Variants in SPAG9 observed in about 807,000 individuals in gnomAD.
SPAG9 encodes C-Jun-amino-terminal kinase-interacting protein 4.
Under a neutral mutation model 166.5 loss-of-function variants are expected in SPAG9, and 35 were observed. The ratio of observed to expected loss-of-function variants is 0.21; its 90% CI spans 0.16 to 0.28. The LOEUF is 0.28. Ranked by LOEUF, SPAG9 falls within the 10% of genes least tolerant of loss-of-function variation. The pLI is 1.00. For synonymous variants in SPAG9, 534 were observed against 565.5 expected, an observed-to-expected ratio of 0.94 and a Z score of 0.79; for missense variants, 1,235 against 1,603.3, an observed-to-expected ratio of 0.77 and a Z score of 3.92.
chr17:50,975,673 T>C (rs1326211273), intron 27 of SPAG9, among the ~76,000 whole-genome samples: 2 of 150,982 alleles, frequency 1.3e-5, no homozygotes, highest in Non-Finnish European at 2.9e-5. Context: ...ATAAATAGAC[T>C]AAGCTGCTGA....
chr17:51,084,145 G>C (rs144903873), intron 1 of SPAG9: 3 of 152,052 alleles, frequency 2.0e-5, no homozygotes, highest in South Asian at 2.1e-4. Context: ...ACATGACTAT[G>C]AGTATCCAAC....
intron 1 of SPAG9, among the ~76,000 whole-genome samples, chr17:51,119,033 CAAAAAA>C (rs3079111): frequency 1.0e-5 from 1 of 96,262 alleles, no homozygotes; most frequent in Non-Finnish European, 2.0e-5. Flanking sequence ...GACTACGTCT[CAAAAAA>C]AAAAAAAAAA....
rs1567979845 is a variant in SPAG9, at chr17:50,998,596, G to A, written c.1686C>T (p.Ser562=). 2.5e-6 allele frequency: 4 copies of A among 1,613,898 alleles called. No individual in the cohort carries two copies. The highest frequency in any genetic ancestry group is 1.1e-5 in the South Asian group (1 of 91,086). The change falls in exon 15 of 30, where the codon TCC becomes TCT. Residue 562 remains serine, a synonymous_variant. Coordinates refer to ENST00000262013, the MANE Select transcript of SPAG9 (RefSeq NM_001130528.3). ...CAGGCTTCTTAGTCGTGTTACTTGAGGAGCTGAAAAGTCGGCTGAAACTAA... is the reference window on the plus strand; with the variant it reads ...CAGGCTTCTTAGTCGTGTTACTTGAAGAGCTGAAAAGTCGGCTGAAACTAA... ...IWQFFSRLFS[S]SSNTTKKPEP... is the part of the protein sequence containing the mutation.
chr17:51,107,645 G>A (rs1241875766), intron 1 of SPAG9, among the ~76,000 whole-genome samples: 1 of 151,266 alleles, frequency 6.6e-6, no homozygotes, highest in African/African-American at 2.4e-5. Context: ...GCTGAGGCAG[G>A]AGAATTGCTT....
At chr17:51,119,242 T>C (rs2049398452) in intron 1 of SPAG9, among the ~76,000 whole-genome samples, 1 of 152,184 alleles carries the variant, frequency 6.6e-6, no homozygotes, top group Non-Finnish European at 1.5e-5. Flanking sequence ...GGAAATGAGC[T>C]ACAAACCTCA....
chr17:50,984,877 C>T, intron 24 of SPAG9, 46 bp downstream of exon 24: 1 of 1,498,734 alleles, frequency 6.7e-7, no homozygotes, highest in South Asian at 1.1e-5. Context: ...AAATGCTTTG[C>T]AAAGCAACAA....
rs553651802 is a variant in SPAG9, at chr17:51,120,319, G to T, written c.303+35C>A. On this transcript the variant is annotated intron_variant, in intron 1 of 29. Coordinates refer to ENST00000262013, the MANE Select transcript of SPAG9 (RefSeq NM_001130528.3). The surrounding 1 kb of genome is among the most constrained non-coding windows in gnomAD (Gnocchi z 4.7). ...CCCCGCCCCGGCCGCCCCCGGAGAC[G>T]GATCCCGCGGCCCCCGCCCTGCCGC... 42 of 1,479,746 alleles carry T rather than the reference G, an allele frequency of 2.8e-5. No individual in the cohort carries two copies. In the East Asian group the frequency reaches 1.0e-3, roughly 35 times the overall value. The allele number at this position is 1,479,746 out of a possible 1,614,324, so 91.7% of individuals were successfully genotyped here.
Position 51,089,620 on chromosome 17 carries a change from TTATATATATATATATATATA to T in SPAG9, c.304-9936_304-9917del, listed in dbSNP as rs746370783. Reference sequence around the variant, plus strand: ...TATATGTATATATATACACTTTATTTTATATATATATATATATATATATATATATATATATATATATATAC... The same window carrying T: ...TATATGTATATATATACACTTTATTTTATATATATATATATATATATATAC... On this transcript the variant is annotated intron_variant, in intron 1 of 29. Transcript: ENST00000262013. Among the ~76,000 whole-genome samples the T allele has an allele frequency of 5.3e-3, 213 of 40,488 alleles. 10 individuals are homozygous for T. The East Asian group carries it at 0.054, about 10-fold the overall frequency. 26.6% of individuals were successfully genotyped at this position (40,488 alleles called of 152,430 possible).
At chr17:51,028,846 T>G (rs2046286104) in intron 6 of SPAG9, among the ~76,000 whole-genome samples, 1 of 152,196 alleles carries the variant, frequency 6.6e-6, no homozygotes, top group Non-Finnish European at 1.5e-5. Flanking sequence ...AAATTCCTAT[T>G]TTATATTAGA....
At chr17:51,099,182 C>A (rs1003922641) in intron 1 of SPAG9, among the ~76,000 whole-genome samples, 1 of 151,444 alleles carries the variant, frequency 6.6e-6, no homozygotes, top group Non-Finnish European at 1.5e-5. Flanking sequence ...GCCTGTAATC[C>A]CAACACTTTG....
chr17:51,099,095 G>A (rs1444704915), intron 1 of SPAG9, among the ~76,000 whole-genome samples: 3 of 118,406 alleles, frequency 2.5e-5, no homozygotes, highest in Non-Finnish European at 4.9e-5. Flanking sequence ...GCGAGACTCC[G>A]TCTCAAAAAA....
At chr17:51,046,455 AAT>A in intron 4 of SPAG9, 2 of 1,408,532 alleles carry the variant, frequency 1.4e-6, no homozygotes, top group Non-Finnish European at 1.9e-6. Flanking sequence ...CTAAAAATTT[AAT>A]AAAAACCAGC....
At chr17:50,984,317 G>A (rs1974866086) in intron 24 of SPAG9, among the ~76,000 whole-genome samples, 1 of 151,832 alleles carries the variant, frequency 6.6e-6, no homozygotes, top group Admixed American at 6.6e-5. Flanking sequence ...TAACACATAG[G>A]ACATTAAAAA....
At chr17:51,082,193 A>G (rs564382210) in intron 1 of SPAG9, among the ~76,000 whole-genome samples, 15 of 151,736 alleles carry the variant, frequency 9.9e-5, no homozygotes, top group Admixed American at 9.8e-4. Context: ...CCTGGCCAAC[A>G]TGGTGAAACC....
intron 9 of SPAG9, among the ~76,000 whole-genome samples, chr17:51,010,840 T>C (rs2045452271): frequency 6.6e-6 from 1 of 151,948 alleles, no homozygotes; most frequent in Non-Finnish European, 1.5e-5. Flanking sequence ...AATTAGGAAA[T>C]AATAGTCTTG....
intron 2 of SPAG9, among the ~76,000 whole-genome samples, chr17:51,061,126 G>A (rs957303742): frequency 1.2e-4 from 12 of 101,652 alleles, no homozygotes; most frequent in South Asian, 3.3e-4. Context: ...GATTACAGGC[G>A]TAAGCCACCG....
chr17:50,998,721 G>A, intron 14 of SPAG9, 104 bp from the exon 15 acceptor site: 1 of 1,127,034 alleles, frequency 8.9e-7, no homozygotes, highest in African/African-American at 1.5e-5. Flanking sequence ...ACTTTTACAA[G>A]GCAATGAGTT....
At chr17:50,979,297 AG>A (rs561440228) in intron 26 of SPAG9, among the ~76,000 whole-genome samples, 2 of 150,974 alleles carry the variant, frequency 1.3e-5, no homozygotes, top group Admixed American at 6.6e-5. Context: ...ACTTGAGCCC[AG>A]GAAGTCAAAG....
Position 50,995,198 on chromosome 17 carries a change from T to C in SPAG9, c.2085A>G (p.Leu695=). 6.2e-7 allele frequency: 1 copy of C among 1,614,068 alleles called. No individual in the cohort carries two copies. The change falls in exon 18 of 30, where the codon TTA becomes TTG. Residue 695 remains leucine (L), a synonymous_variant. Coordinates refer to ENST00000262013, the MANE Select transcript of SPAG9 (RefSeq NM_001130528.3). ...MKLWCAVGVN[L]SGGKTRDGGS... is the part of the protein sequence containing the mutation. ...CACCATCTCTGGTCTTCCCACCAGATAAATTGACTCCAACAGCACACCACA... is the reference window on the plus strand; with the variant it reads ...CACCATCTCTGGTCTTCCCACCAGACAAATTGACTCCAACAGCACACCACA...
Sources: allele counts gnomAD v4.1 joint callset (sites outside exome capture counted in the v4.1 genomes callset), GRCh38; gene constraint gnomAD v4.1.1; non-coding constraint Gnocchi (gnomAD v3.1); transcripts MANE v1.5; gene names NCBI Gene and HGNC (gene_info 2026-07-23, HGNC 2026-07-21).